NOX4: variants seen among roughly 807,000 people sequenced by gnomAD.
NOX4 encodes NADPH oxidase 4.
Under a neutral mutation model 87.6 loss-of-function variants are expected in NOX4, and 69 were observed. The ratio of observed to expected loss-of-function variants is 0.79; its 90% CI spans 0.65 to 0.96. NOX4 has a LOEUF of 0.96. Among genes scored for constraint, NOX4 ranks in the 40% least tolerant of loss-of-function variants. The pLI is 0.00. For missense variants in NOX4, 680 were observed against 681.5 expected, an observed-to-expected ratio of 1.00 and a Z score of 0.02; for synonymous variants, 275 against 238.2, an observed-to-expected ratio of 1.15 and a Z score of -1.42.
At position 89,451,773 on chromosome 11, in the gene NOX4, G is replaced by GT; in HGVS notation, c.264+11dup. ...TATGCTGGAATTTGAAAGTAGGACTGTTTTTTCTTACCTTCTGTGATCCTC... is the reference window on the plus strand; with the variant it reads ...TATGCTGGAATTTGAAAGTAGGACTGTTTTTTTCTTACCTTCTGTGATCCTC... On this transcript the variant is annotated intron_variant, in intron 3 of 17. Transcript: ENST00000263317. 6.4e-7 allele frequency: 1 copy of GT among 1,573,032 alleles called. No homozygotes were observed. Among genetic ancestry groups the GT allele is most frequent in the Non-Finnish European group, 8.7e-7 (1 of 1,143,050 alleles).
At chr11:89,418,453 A>AAT (rs1482890936) in intron 8 of NOX4, among the ~76,000 whole-genome samples, 1 of 138,558 alleles carries the variant, frequency 7.2e-6, no homozygotes, top group African/African-American at 2.6e-5. Flanking sequence ...TAATAATAAT[A>AAT]ATAATAATAA....
chr11:89,571,104 C>A, the NOX4 span, among the ~76,000 whole-genome samples: 1 of 152,094 alleles, frequency 6.6e-6, no homozygotes, highest in African/African-American at 2.4e-5. Flanking sequence ...TCAGTTTAGC[C>A]ATTCTGGCAT....
In NOX4 at chr11:89,446,178, T is replaced by C. The variant is rs75823745; in HGVS notation, c.350-1946A>G. On this transcript the variant is annotated intron_variant, in intron 4 of 17. Coordinates refer to ENST00000263317, the MANE Select transcript of NOX4 (RefSeq NM_016931.5). ...TGACAAGTTACCACTACGTACCTAT[T>C]AGAATGACCAAAATCCAGAATACTG... 1.4e-4 allele frequency among the ~76,000 whole-genome samples: 21 copies of C among 152,232 alleles called. No homozygotes were observed. In the East Asian group the frequency reaches 4.1e-3, roughly 29 times the overall value.
At chr11:89,365,277 ATTTGT>A (rs1262823933) in intron 12 of NOX4, among the ~76,000 whole-genome samples, 1 of 152,112 alleles carries the variant, frequency 6.6e-6, no homozygotes, top group Non-Finnish European at 1.5e-5. Flanking sequence ...TTTGCTTCTT[ATTTGT>A]TTAACACTTT....
chr11:89,456,209 A>G (rs910675798), intron 2 of NOX4, among the ~76,000 whole-genome samples: 3 of 152,156 alleles, frequency 2.0e-5, no homozygotes, highest in African/African-American at 7.2e-5. Context: ...ATAATAATTA[A>G]AAATTAAAAT....
At chr11:89,481,202 A>T (rs972150066) in intron 2 of NOX4, among the ~76,000 whole-genome samples, 3 of 152,052 alleles carry the variant, frequency 2.0e-5, no homozygotes, top group Admixed American at 6.6e-5. Context: ...CTGTATGCTC[A>T]GCAAATCCCT....
At chr11:89,440,564 AT>A in intron 6 of NOX4, 123 bp downstream of exon 6, 1 of 517,800 alleles carries the variant, frequency 1.9e-6, no homozygotes, top group Non-Finnish European at 3.4e-6. Flanking sequence ...ACCTCAGGTG[AT>A]CCGCCCGCCT....
chr11:89,487,052 C>A (rs1356118915), intron 2 of NOX4, among the ~76,000 whole-genome samples: 1 of 152,010 alleles, frequency 6.6e-6, no homozygotes, highest in Non-Finnish European at 1.5e-5. Flanking sequence ...TTGGGCAGCA[C>A]TGGTAAAAAT....
At chr11:89,500,405 A>G (rs532698980), upstream of NOX4, among the ~76,000 whole-genome samples, 2 of 152,276 alleles carry the variant, frequency 1.3e-5, no homozygotes, top group South Asian at 2.1e-4. Context: ...ATGTCTTCAT[A>G]TCAGTGGAAT....
the NOX4 span, among the ~76,000 whole-genome samples, chr11:89,551,087 T>C: frequency 6.6e-6 from 1 of 152,196 alleles, no homozygotes; most frequent in African/African-American, 2.4e-5. Flanking sequence ...AAAGATCAGA[T>C]GGTTGTAGAT....
upstream of NOX4, among the ~76,000 whole-genome samples, chr11:89,495,893 T>C (rs1946942782): frequency 6.6e-6 from 1 of 152,130 alleles, no homozygotes; most frequent in Non-Finnish European, 1.5e-5. Flanking sequence ...AAATTCAATG[T>C]AAAAAGAGCC....
chr11:89,434,492 T>C (rs1457248086), intron 6 of NOX4, among the ~76,000 whole-genome samples: 1 of 151,938 alleles, frequency 6.6e-6, no homozygotes, highest in African/African-American at 2.4e-5. Flanking sequence ...TTCCCAGTTG[T>C]AAGAGATGGG....
chr11:89,342,578 CA>C (rs1013462601), intron 13 of NOX4, among the ~76,000 whole-genome samples: 20 of 152,048 alleles, frequency 1.3e-4, no homozygotes, highest in African/African-American at 4.8e-4. Flanking sequence ...TGTCTAAATT[CA>C]ATAAACATTT....
chr11:89,561,015 T>TATATATAC, the NOX4 span, among the ~76,000 whole-genome samples: 4,058 of 79,730 alleles, frequency 0.051, 213 homozygotes, highest in Non-Finnish European at 0.066. Flanking sequence ...TATATATATA[T>TATATATAC]ATATACATAC....
intron 15 of NOX4, among the ~76,000 whole-genome samples, chr11:89,339,250 C>T (rs1479753279): frequency 6.6e-6 from 1 of 152,076 alleles, no homozygotes; most frequent in Non-Finnish European, 1.5e-5. Context: ...TCTGGTGGGT[C>T]TATCATCTCT....
At chr11:89,579,497 A>G in the NOX4 span, among the ~76,000 whole-genome samples, 1 of 152,144 alleles carries the variant, frequency 6.6e-6, no homozygotes, top group Non-Finnish European at 1.5e-5. Context: ...TTAAAGAACA[A>G]AATAGCCATA....
At chr11:89,502,293 C>A (rs899212157), upstream of NOX4, among the ~76,000 whole-genome samples, 5 of 152,028 alleles carry the variant, frequency 3.3e-5, no homozygotes, top group Non-Finnish European at 4.4e-5. Context: ...CAGCTAGATG[C>A]AACATTTTGC....
At chr11:89,432,090 C>A (rs992676260) in intron 7 of NOX4, among the ~76,000 whole-genome samples, 2 of 151,314 alleles carry the variant, frequency 1.3e-5, no homozygotes, top group African/African-American at 4.9e-5. Context: ...TCTCAGCAAA[C>A]TATCGCAAGG....
chr11:89,349,878 G>T (rs534322994), intron 13 of NOX4, among the ~76,000 whole-genome samples: 1 of 152,266 alleles, frequency 6.6e-6, no homozygotes, highest in South Asian at 2.1e-4. Context: ...CATTTTACAT[G>T]TCCAAGCTGT....
Sources: allele counts gnomAD v4.1 joint callset (sites outside exome capture counted in the v4.1 genomes callset), GRCh38; gene constraint gnomAD v4.1.1; transcripts MANE v1.5; gene names NCBI Gene and HGNC (gene_info 2026-07-23, HGNC 2026-07-21).